HNRNPAB: variants seen among roughly 807,000 people sequenced by gnomAD.
The protein encoded by HNRNPAB is ABBP-1.
HNRNPAB carries 17 observed loss-of-function variants against 44.1 expected under a neutral mutation model. The ratio of observed to expected loss-of-function variants is 0.39; its 90% confidence interval spans 0.26 to 0.58. The LOEUF is 0.58. Among genes scored for constraint, HNRNPAB ranks in the 20% least tolerant of loss-of-function variants. The probability of loss-of-function intolerance (pLI) is 0.63; values close to 1 mark genes in which losing one functional copy is unlikely to be tolerated. For missense variants in HNRNPAB, 393 were observed against 432.7 expected, an observed-to-expected ratio of 0.91 and a Z score of 0.81; for synonymous variants, 183 against 167.6, an observed-to-expected ratio of 1.09 and a Z score of -0.71.
At position 178,205,861 on chromosome 5, in the gene HNRNPAB, C is replaced by T; in HGVS notation, c.229C>T (p.Leu77=). Residue 77 remains leucine, a synonymous_variant, in exon 3 of 8, where the codon CTG becomes TTG. Transcript: ENST00000358344. The part of the protein sequence containing the change: ...EDAGKMFVGG[L]SWDTSKKDLK... ...TTTCAGAAAAATGTTCGTTGGTGGC[C>T]TGAGCTGGGATACTAGCAAAAAAGA... 6.2e-7 allele frequency: 1 copy of T among 1,613,706 alleles called. No homozygotes were observed. Among genetic ancestry groups the T allele is most frequent in the Non-Finnish European group, 8.5e-7 (1 of 1,179,828 alleles).
chr5:178,208,569 A>G (rs899904179), intron 5 of HNRNPAB: 5 of 152,238 alleles, frequency 3.3e-5, no homozygotes, highest in African/African-American at 1.2e-4. Context: ...TTGCCAATTA[A>G]AAGTATGACT....
At chr5:178,205,685 T>A in intron 2 of HNRNPAB, 157 bp from the exon 3 acceptor site, 1 of 667,404 alleles carries the variant, frequency 1.5e-6, no homozygotes, top group Non-Finnish European at 2.6e-6. Flanking sequence ...TGAGTTCAAT[T>A]TGGAGGGTAG....
intron 3 of HNRNPAB, 137 bp from the exon 4 acceptor site, chr5:178,206,595 G>C (rs1219176615): frequency 3.7e-6 from 3 of 820,346 alleles, no homozygotes; most frequent in Non-Finnish European, 6.0e-6. Flanking sequence ...AAATTGGGTT[G>C]GGAGGTTAAG....
rs756548978 is a variant in HNRNPAB at position 178,210,084 on chromosome 5, G to A, written c.788-48G>A. The A allele has an allele frequency of 3.1e-6, 5 of 1,604,862 alleles. No individual in the cohort carries two copies. In the Admixed American group the frequency reaches 8.8e-5, roughly 28 times the overall value. ...CAGGATTTCCTCCATCCTAGCTCCTGCGTATGCTAAATGGTCCACGGGCCC... is the reference window on the plus strand; with the variant it reads ...CAGGATTTCCTCCATCCTAGCTCCTACGTATGCTAAATGGTCCACGGGCCC... On this transcript the variant is annotated intron_variant, in intron 6 of 7. Coordinates refer to ENST00000358344, the MANE Select transcript of HNRNPAB (RefSeq NM_031266.3).
At chr5:178,206,219 G>C (rs1284992069) in intron 3 of HNRNPAB, among the ~76,000 whole-genome samples, 3 of 152,226 alleles carry the variant, frequency 2.0e-5, no homozygotes, top group Non-Finnish European at 4.4e-5. Context: ...AGTGGTTCGG[G>C]AAGATGACAG....
At chr5:178,207,308 T>C in intron 5 of HNRNPAB, 83 bp downstream of exon 5, 2 of 1,524,400 alleles carry the variant, frequency 1.3e-6, no homozygotes, top group Non-Finnish European at 8.9e-7. Context: ...TTGGGCCTCA[T>C]GCAGGAGCTC....
chr5:178,211,002 G>A lies in HNRNPAB; in HGVS notation c.*379G>A. The A allele has an allele frequency of 4.5e-6, 1 of 221,170 alleles. No homozygotes were observed. Among genetic ancestry groups the A allele is most frequent in the Non-Finnish European group, 8.9e-6 (1 of 111,748 alleles). 13.7% of individuals were successfully genotyped at this position (221,170 alleles called of 1,614,324 possible). A position where few individuals can be genotyped will look rare whatever the true frequency, so the allele number is the denominator to read the frequency against. Reference sequence around the variant, plus strand: ...TTCACCTTTTAATTTTATATTATTTGCGTCATACATTTCCTGTAACGGAAG... The same window carrying A: ...TTCACCTTTTAATTTTATATTATTTACGTCATACATTTCCTGTAACGGAAG... On this transcript the variant is annotated 3_prime_UTR_variant, in exon 8 of 8. Coordinates refer to ENST00000358344, the MANE Select transcript of HNRNPAB (RefSeq NM_031266.3).
intron 5 of HNRNPAB, 94 bp from the exon 6 acceptor site, chr5:178,209,236 T>C: frequency 1.0e-6 from 1 of 980,712 alleles, no homozygotes; most frequent in Non-Finnish European, 1.6e-6. Context: ...ATGGACCTGA[T>C]CCACCATTTG....
At chr5:178,210,352 C>T (rs1461474986) in intron 7 of HNRNPAB, 80 bp downstream of exon 7, 10 of 1,601,142 alleles carry the variant, frequency 6.2e-6, no homozygotes, top group East Asian at 2.2e-5. Flanking sequence ...CCACTGGCAG[C>T]AGGGGCTTTG....
chr5:178,207,765 C>G (rs1757148221), intron 5 of HNRNPAB, among the ~76,000 whole-genome samples: 1 of 128,182 alleles, frequency 7.8e-6, no homozygotes. Flanking sequence ...TGCGGTAACA[C>G]AATCATGGCT....
chr5:178,206,244 C>T (rs1757052369), intron 3 of HNRNPAB, among the ~76,000 whole-genome samples: 1 of 152,164 alleles, frequency 6.6e-6, no homozygotes, highest in South Asian at 2.1e-4. Flanking sequence ...CATTCATTAC[C>T]TTTTATGTGC....
chr5:178,205,123 G>C lies in HNRNPAB; in HGVS notation c.209+77G>C, dbSNP rs1210769235. 4 of 1,081,968 alleles carry C rather than the reference G, an allele frequency of 3.7e-6. No individual in the cohort carries two copies. The African/African-American group carries it at 5.0e-5, about 13-fold the overall frequency. 67.0% of individuals were successfully genotyped at this position (1,081,968 alleles called of 1,614,324 possible). The stretch of plus-strand genomic sequence containing the variant: ...TTTTGTTGGCGCCACGCGGCGGGGG[G>C]AGGGGCGGCGGCCTGGCCCGGGTCG... On this transcript the variant is annotated intron_variant, in intron 2 of 7. Coordinates refer to ENST00000358344, the MANE Select transcript of HNRNPAB (RefSeq NM_031266.3).
chr5:178,205,747 GT>G (rs1757031583), intron 2 of HNRNPAB, 94 bp from the exon 3 acceptor site: 1 of 1,188,262 alleles, frequency 8.4e-7, no homozygotes. Context: ...AAGGGTAGCT[GT>G]AGACTTCGTG....
intron 6 of HNRNPAB, 75 bp from the exon 7 acceptor site, chr5:178,210,057 G>C: frequency 1.9e-6 from 3 of 1,577,914 alleles, no homozygotes; most frequent in Non-Finnish European, 2.6e-6. Flanking sequence ...CACCCCAAAG[G>C]GCAGGATTTC....
At chr5:178,210,071 C>A in intron 6 of HNRNPAB, 61 bp from the exon 7 acceptor site, 1 of 1,586,602 alleles carries the variant, frequency 6.3e-7, no homozygotes, top group Non-Finnish European at 8.5e-7. Flanking sequence ...GGATTTCCTC[C>A]ATCCTAGCTC....
In HNRNPAB at chr5:178,206,071, CCTTT is replaced by C; in HGVS notation, c.378+65_378+68del. On this transcript the variant is annotated intron_variant, in intron 3 of 7. Transcript: ENST00000358344. ...AAACGATTTGAATTCTAAGAGGACACCTTTCTTAAAGCATGACTAGTTTGTGTGG... is the reference window on the plus strand; with the variant it reads ...AAACGATTTGAATTCTAAGAGGACACCTTAAAGCATGACTAGTTTGTGTGG... 6.1e-6 allele frequency: 9 copies of C among 1,479,976 alleles called. No homozygotes were observed. The South Asian group carries it at 8.2e-5, about 13-fold the overall frequency. The allele number at this position is 1,479,976 out of a possible 1,614,324, so 91.7% of individuals were successfully genotyped here.
At chr5:178,205,278 C>T (rs1213455566) in intron 2 of HNRNPAB, among the ~76,000 whole-genome samples, 2 of 151,138 alleles carry the variant, frequency 1.3e-5, no homozygotes, top group African/African-American at 4.8e-5. Context: ...CGCGCGCTGC[C>T]AGGGCCAGGG....
At chr5:178,209,231 C>T (rs1757397427) in intron 5 of HNRNPAB, 99 bp from the exon 6 acceptor site, 5 of 956,600 alleles carry the variant, frequency 5.2e-6, no homozygotes, top group South Asian at 1.4e-5. Flanking sequence ...AGCAAATGGA[C>T]CTGATCCACC....
chr5:178,209,566 G>A (rs1757540259), intron 6 of HNRNPAB, 119 bp downstream of exon 6: 3 of 817,122 alleles, frequency 3.7e-6, no homozygotes, highest in Non-Finnish European at 6.1e-6. Flanking sequence ...TGTGAGGTTG[G>A]GGACGAACAG....
Sources: gnomAD v4.1 joint callset for allele counts (sites outside exome capture counted in the v4.1 genomes callset) on GRCh38, gnomAD v4.1.1 for gene constraint, MANE v1.5 for transcripts, NCBI Gene and HGNC (gene_info 2026-07-23, HGNC 2026-07-21) for gene names.